The following KLHL12 variants were observed in gnomAD, a reference collection of about 807,000 sequenced individuals.
KLHL12 encodes kelch-like protein 12.
Under a neutral mutation model 60.8 loss-of-function variants are expected in KLHL12, and 17 were observed. The observed-to-expected ratio is 0.28, with a 90% CI of 0.19 to 0.42. KLHL12 has a LOEUF of 0.42. Among genes scored for constraint, KLHL12 ranks in the 10% least tolerant of loss-of-function variants. The probability of loss-of-function intolerance (pLI) is 1.00; values close to 1 mark genes in which losing one functional copy is unlikely to be tolerated. For synonymous variants in KLHL12, 220 were observed against 250.9 expected, an observed-to-expected ratio of 0.88 and a Z score of 1.16; for missense variants, 468 against 722.3, an observed-to-expected ratio of 0.65 and a Z score of 4.04.
At chr1:202,908,864 T>G in intron 6 of KLHL12, 146 bp downstream of exon 6, 1 of 553,658 alleles carries the variant, frequency 1.8e-6, no homozygotes, top group East Asian at 3.1e-5. Flanking sequence ...AAGCTTAGAG[T>G]GGTAAAGTGA....
Position 202,925,031 on chromosome 1 carries a change from G to A in KLHL12, c.132C>T (p.Phe44=), listed in dbSNP as rs778958066. 7 of 1,614,142 alleles carry A rather than the reference G, an allele frequency of 4.3e-6. No individual in the cohort carries two copies. Among genetic ancestry groups the A allele is most frequent in the Admixed American group, 1.7e-5 (1 of 60,024 alleles). ...CAGCCAGCACAATCCGATGGGCAGG[G>A]AAGTCTTTCTGCTCTACTCTCAATG... ...DVTLRVEQKD[F]PAHRIVLAAC... is the part of the protein sequence containing the mutation. The change falls in exon 2 of 12, where the codon TTC becomes TTT. Residue 44 remains phenylalanine (F), a synonymous_variant. Coordinates refer to ENST00000367261, the MANE Select transcript of KLHL12 (RefSeq NM_021633.4).
In KLHL12 at chr1:202,892,280, G is replaced by A. The variant is rs2102402613; in HGVS notation, c.*253C>T. ...AGGAAAGTGCTCCCCAAAGCAGTGG[G>A]AGAGGCAATGTGGTCTCTCACATCC... On this transcript the variant is annotated 3_prime_UTR_variant, in exon 12 of 12. Coordinates refer to ENST00000367261, the MANE Select transcript of KLHL12 (RefSeq NM_021633.4). 4.6e-6 allele frequency: 2 copies of A among 439,376 alleles called. 1 individual carries two copies. The highest frequency in any genetic ancestry group is 6.3e-5 in the South Asian group (2 of 31,978). 27.2% of individuals were successfully genotyped at this position (439,376 alleles called of 1,614,324 possible). A position where few individuals can be genotyped will look rare whatever the true frequency, so the allele number is the denominator to read the frequency against.
At chr1:202,928,589 G>A (rs1653736837), upstream of KLHL12, 1 of 1,208,048 alleles carries the variant, frequency 8.3e-7, no homozygotes, top group Non-Finnish European at 1.1e-6. Context: ...ACGCTGCGGC[G>A]AGAATCCTCT....
chr1:202,927,290 C>T (rs1314658199), upstream of KLHL12: 2 of 985,126 alleles, frequency 2.0e-6, no homozygotes. Flanking sequence ...CCGCCCTCCC[C>T]CCGCTCCAGA....
At chr1:202,899,687 G>A (rs1659945734) in intron 6 of KLHL12, among the ~76,000 whole-genome samples, 2 of 152,090 alleles carry the variant, frequency 1.3e-5, no homozygotes, top group Admixed American at 1.3e-4. Flanking sequence ...TTAGCCGGGT[G>A]CAGTGATGCG....
At chr1:202,922,778 G>A (rs781223963) in intron 2 of KLHL12, among the ~76,000 whole-genome samples, 1 of 151,798 alleles carries the variant, frequency 6.6e-6, no homozygotes, top group Non-Finnish European at 1.5e-5. Context: ...GAGCCACCAC[G>A]CCCAGCTGAA....
intron 2 of KLHL12, among the ~76,000 whole-genome samples, chr1:202,922,395 G>A (rs1250376323): frequency 4.1e-5 from 6 of 145,550 alleles, no homozygotes; most frequent in African/African-American, 1.0e-4. Context: ...GTGAAACCCC[G>A]TCTCCACTAA....
At chr1:202,921,687 A>G (rs1660701695) in intron 2 of KLHL12, among the ~76,000 whole-genome samples, 1 of 152,236 alleles carries the variant, frequency 6.6e-6, no homozygotes, top group African/African-American at 2.4e-5. Flanking sequence ...TAATCATAGA[A>G]AACTGTTTAG....
Position 202,891,660 on chromosome 1 carries a change from C to A in KLHL12, c.*873G>T, listed in dbSNP as rs1365729275. 2 of 152,196 alleles carry A rather than the reference C, an allele frequency of 1.3e-5. No individual in the cohort carries two copies. Among genetic ancestry groups the A allele is most frequent in the African/African-American group, 2.4e-5 (1 of 41,454 alleles). The allele number at this position is 152,196 out of a possible 1,614,324, so 9.4% of individuals were successfully genotyped here. Reference sequence around the variant, plus strand: ...GCAAACATTGCCATGGCTAGATGAGCCCTGGCAGGTAATAAGATGACTGTA... The same window carrying A: ...GCAAACATTGCCATGGCTAGATGAGACCTGGCAGGTAATAAGATGACTGTA... On this transcript the variant is annotated 3_prime_UTR_variant, in exon 12 of 12. Coordinates refer to ENST00000367261, the MANE Select transcript of KLHL12 (RefSeq NM_021633.4).
At chr1:202,897,187 T>C (rs1659862205) in intron 6 of KLHL12, among the ~76,000 whole-genome samples, 1 of 151,794 alleles carries the variant, frequency 6.6e-6, no homozygotes, top group African/African-American at 2.4e-5. Flanking sequence ...ATTAAAACTC[T>C]AGAAAGCAAA....
At chr1:202,927,963 G>A (rs1447077167), upstream of KLHL12, among the ~76,000 whole-genome samples, 2 of 123,974 alleles carry the variant, frequency 1.6e-5, no homozygotes, top group Admixed American at 9.5e-5. Context: ...CTGGGCGACC[G>A]ACTGAGACTC....
intron 2 of KLHL12, among the ~76,000 whole-genome samples, chr1:202,922,945 T>C (rs1660743398): frequency 6.6e-6 from 1 of 152,132 alleles, no homozygotes; most frequent in Non-Finnish European, 1.5e-5. Context: ...TTGAGGAGCA[T>C]TTCATAGCTG....
intron 4 of KLHL12, among the ~76,000 whole-genome samples, chr1:202,913,828 C>T (rs986544507): frequency 2.0e-5 from 3 of 152,180 alleles, no homozygotes; most frequent in South Asian, 4.1e-4. Flanking sequence ...ACTACCCATG[C>T]GTGGCTATTT....
rs112019147 is a variant in KLHL12 at position 202,925,206 on chromosome 1, A to C, written c.-44T>G. 1 of 1,611,102 alleles carries C rather than the reference A, an allele frequency of 6.2e-7. No individual in the cohort carries two copies. Among genetic ancestry groups the C allele is most frequent in the South Asian group, 1.1e-5 (1 of 90,210 alleles). On this transcript the variant is annotated splice_region_variant and 5_prime_UTR_variant, in exon 2 of 12. Coordinates refer to ENST00000367261, the MANE Select transcript of KLHL12 (RefSeq NM_021633.4). ...AACAAAATGGGTCCTTGGATTCTGC[A>C]ACTACAAGAGGGAAAAAAAAACAAT...
chr1:202,916,800 G>A (rs958758526), intron 4 of KLHL12, among the ~76,000 whole-genome samples: 1 of 151,962 alleles, frequency 6.6e-6, no homozygotes, highest in Non-Finnish European at 1.5e-5. Context: ...GCAACACAGC[G>A]AGACCCCATC....
chr1:202,893,322 G>A lies in KLHL12; in HGVS notation c.1497C>T (p.Ser499=), dbSNP rs1255972373. Residue 499 remains serine (S), a synonymous_variant, in exon 11 of 12, where the codon TCC becomes TCT. Transcript: ENST00000367261. This position sits in a 1 kb window ranked among gnomAD's most constrained non-coding sequence, Gnocchi z 4.1. ...SVEAYNIRTD[S]WTTVTSMTTP... ...TGGTCATACTGGTGACAGTTGTCCA[G>A]GAATCAGTGCGAATGTTGTATGCTT... 6.2e-7 allele frequency: 1 copy of A among 1,613,872 alleles called. No homozygotes were observed. The highest frequency in any genetic ancestry group is 1.7e-5 in the Admixed American group (1 of 60,018).
Position 202,927,118 on chromosome 1 carries a change from G to C in KLHL12, c.-75C>G. 50 of 985,470 alleles carry C rather than the reference G, an allele frequency of 5.1e-5. No individual in the cohort carries two copies. The highest frequency in any genetic ancestry group is 6.0e-5 in the Non-Finnish European group (50 of 830,042). The allele number at this position is 985,470 out of a possible 1,614,324, so 61.0% of individuals were successfully genotyped here. On this transcript the variant is annotated 5_prime_UTR_variant, in exon 1 of 12. Coordinates refer to ENST00000367261, the MANE Select transcript of KLHL12 (RefSeq NM_021633.4). ...GCTCCCGAACCCACACAGCCGCACC[G>C]GGCCCGTCCCCAGCCTGTGGGGATG... is the stretch of plus-strand genomic sequence containing the variant.
At chr1:202,927,740 G>T (rs1263042994), upstream of KLHL12, among the ~76,000 whole-genome samples, 1 of 149,648 alleles carries the variant, frequency 6.7e-6, no homozygotes. Flanking sequence ...GGCACTTTGG[G>T]AGGCCGAGGC....
rs542351483 is a variant in KLHL12, at chr1:202,905,278, T to G, written c.832+3732A>C. On this transcript the variant is annotated intron_variant, in intron 6 of 11. Transcript: ENST00000367261. ...GCAAGAAATGTACCTCCAAAGAATC[T>G]TCTGGGTTTACTGATTCACAAAAAT... 3.3e-5 allele frequency among the ~76,000 whole-genome samples: 5 copies of G among 152,346 alleles called. No homozygotes were observed. The South Asian group carries it at 1.0e-3, about 32-fold the overall frequency.
Sources: gnomAD v4.1 joint callset for allele counts (sites outside exome capture counted in the v4.1 genomes callset) on GRCh38, gnomAD v4.1.1 for gene constraint, Gnocchi (gnomAD v3.1) non-coding constraint, MANE v1.5 for transcripts, NCBI Gene and HGNC (gene_info 2026-07-23, HGNC 2026-07-21) for gene names.